The following ZNF653 variants were observed in gnomAD, a reference collection of about 807,000 sequenced individuals.
The protein encoded by ZNF653 is zinc finger protein 653, also known as 67 kDa zinc finger protein.
In ZNF653, 37 loss-of-function variants were observed where a neutral mutation model predicts 59.9. The ratio of observed to expected loss-of-function variants is 0.62; its 90% CI spans 0.48 to 0.81. The LOEUF is 0.81. Ranked by LOEUF, ZNF653 falls within the 40% of genes least tolerant of loss-of-function variation. The pLI, the probability that ZNF653 is intolerant of heterozygous loss-of-function variation, is 0.00. For missense variants in ZNF653, 808 were observed against 881.1 expected (o/e 0.92, Z 1.05); for synonymous variants, 435 against 371.8 (o/e 1.17, Z -1.96).
intron 1 of ZNF653, 70 bp from the exon 2 acceptor site, chr19:11,498,409 ACAGTGG>A (rs1971610328): frequency 1.3e-6 from 2 of 1,598,636 alleles, no homozygotes; most frequent in African/African-American, 1.3e-5. Flanking sequence ...ATGAGTAACA[ACAGTGG>A]CTAGAGCCAC....
rs1321729149 is a variant in ZNF653, at chr19:11,484,045, A to AG, written c.1666dup (p.Leu556ProfsTer139). On this transcript the variant is annotated frameshift_variant, in exon 8 of 9. Transcript: ENST00000293771. LOFTEE classifies it high-confidence loss of function. ...CACGGGGCGGCCTGTCACTCACTGC[A>AG]GGGGGGTCTCGCCGGTGTGGGTGCG... The AG allele has an allele frequency of 6.4e-7, 1 of 1,555,396 alleles. No individual in the cohort carries two copies. The highest frequency in any genetic ancestry group is 8.7e-7 in the Non-Finnish European group (1 of 1,149,442).
At chr19:11,504,720 A>G (rs1971689016) in intron 1 of ZNF653, 1 of 266,010 alleles carries the variant, frequency 3.8e-6, no homozygotes, top group African/African-American at 2.3e-5. Context: ...TCATCCTCGT[A>G]AAAGTTAATA....
chr19:11,500,823 G>A (rs1054246668), intron 1 of ZNF653: 6 of 152,332 alleles, frequency 3.9e-5, no homozygotes, highest in Admixed American at 3.9e-4. Flanking sequence ...CGTCTGTGAA[G>A]TGGAAATAGT....
At chr19:11,485,420 G>A (rs575710501) in intron 7 of ZNF653, among the ~76,000 whole-genome samples, 1 of 152,158 alleles carries the variant, frequency 6.6e-6, no homozygotes, top group East Asian at 1.9e-4. Flanking sequence ...ATGGGGTCGC[G>A]GGGATAGGAG....
In ZNF653 at chr19:11,505,664, C is replaced by G. The variant is rs368318310; in HGVS notation, c.123G>C (p.Glu41Asp). ...CGAGCCGTCGCCGGGCCCGGTCCGACTCCGTGAGTCGCGGCCGGCCCCGCG... is the reference window on the plus strand; with the variant it reads ...CGAGCCGTCGCCGGGCCCGGTCCGAGTCCGTGAGTCGCGGCCGGCCCCGCG... ...RKARGRPRLT[E>D]SDRARRRLES... The change falls in exon 1 of 9, where the codon GAG (glutamate) becomes GAC (aspartate). Residue 41 changes from glutamate to aspartate, a missense_variant. Transcript: ENST00000293771. 23 of 1,494,770 alleles carry G rather than the reference C, an allele frequency of 1.5e-5. No individual in the cohort carries two copies. The highest frequency in any genetic ancestry group is 1.1e-4 in the East Asian group (4 of 35,298). 92.6% of individuals were successfully genotyped at this position (1,494,770 alleles called of 1,614,324 possible). A position where few individuals can be genotyped will look rare whatever the true frequency, so the allele number is the denominator to read the frequency against.
rs201821457 is a variant in ZNF653 at position 11,487,760 on chromosome 19, C to T, written c.703G>A (p.Gly235Arg). Reference sequence around the variant, plus strand: ...TGCACGCCCTCCTGAGTGATGAGCCCGCTGCTGCCCACCGGGCTGGTGGGC... The same window carrying T: ...TGCACGCCCTCCTGAGTGATGAGCCTGCTGCTGCCCACCGGGCTGGTGGGC... ...ATPTSPVGSS[G>R]LITQEGVHIP... Residue 235 changes from glycine to arginine, a missense_variant, in exon 4 of 9, where the codon GGG (glycine) becomes AGG (arginine). Coordinates refer to ENST00000293771, the MANE Select transcript of ZNF653 (RefSeq NM_138783.4). This position sits in a 1 kb window ranked among gnomAD's most constrained non-coding sequence, Gnocchi z 5.1. 7.7e-5 allele frequency: 125 copies of T among 1,613,040 alleles called. No homozygotes were observed. Among genetic ancestry groups the T allele is most frequent in the Admixed American group, 7.2e-4 (43 of 60,004 alleles).
rs1971581462 is a variant in ZNF653 at position 11,495,891 on chromosome 19, C to T, written c.559+59G>A. 4 of 1,529,394 alleles carry T rather than the reference C, an allele frequency of 2.6e-6. No homozygotes were observed. The Admixed American group carries it at 7.5e-5, about 29-fold the overall frequency. 94.7% of individuals were successfully genotyped at this position (1,529,394 alleles called of 1,614,324 possible). A position where few individuals can be genotyped will look rare whatever the true frequency, so the allele number is the denominator to read the frequency against. ...TTCTGTTTGTGATGCTAGCCTAGGG[C>T]TCGTAAGAAGCCCCCAGAAATGGGC... On this transcript the variant is annotated intron_variant, in intron 3 of 8. Transcript: ENST00000293771. The surrounding 1 kb of genome is among the most constrained non-coding windows in gnomAD (Gnocchi z 4.9).
chr19:11,483,911 G>A, intron 8 of ZNF653, 52 bp from the exon 9 acceptor site: 2 of 1,513,382 alleles, frequency 1.3e-6, no homozygotes, highest in Non-Finnish European at 1.8e-6. Flanking sequence ...GCGGGGCGGG[G>A]CGGGGCCCTA....
chr19:11,504,575 G>A (rs1234942917), intron 1 of ZNF653: 6 of 985,090 alleles, frequency 6.1e-6, no homozygotes, highest in Non-Finnish European at 7.2e-6. Context: ...GAAAGGGGTG[G>A]GTATAACTTA....
chr19:11,504,032 G>C (rs1335150849), intron 1 of ZNF653, among the ~76,000 whole-genome samples: 3 of 152,126 alleles, frequency 2.0e-5, no homozygotes, highest in Non-Finnish European at 4.4e-5. Flanking sequence ...TTGAACCCAC[G>C]AGGTTGAGGC....
chr19:11,485,371 C>G (rs542231620), intron 7 of ZNF653, among the ~76,000 whole-genome samples: 1 of 152,222 alleles, frequency 6.6e-6, no homozygotes, highest in East Asian at 1.9e-4. Context: ...CAGCTGCTCC[C>G]TAAGTCTCGC....
At chr19:11,498,968 G>A (rs1015699648) in intron 1 of ZNF653, among the ~76,000 whole-genome samples, 1 of 152,026 alleles carries the variant, frequency 6.6e-6, no homozygotes, top group East Asian at 1.9e-4. Context: ...CAGGTGATCC[G>A]CCCACCTCGG....
Position 11,487,998 on chromosome 19 carries a change from A to ATTTATTTATTT in ZNF653, c.560-96_560-95insAAATAAATAAA. 6.2e-6 allele frequency: 7 copies of ATTTATTTATTT among 1,125,644 alleles called. No homozygotes were observed. The African/African-American group carries it at 8.9e-5, about 14-fold the overall frequency. 69.7% of individuals were successfully genotyped at this position (1,125,644 alleles called of 1,614,324 possible). On this transcript the variant is annotated intron_variant, in intron 3 of 8. Transcript: ENST00000293771. This position sits in a 1 kb window ranked among gnomAD's most constrained non-coding sequence, Gnocchi z 5.1. ...TTTTATTTTATTTATTTATTTATTT[A>ATTTATTTATTT]TTTTTTTGAGACAGAGTCTCACTCT... is the stretch of plus-strand genomic sequence containing the variant.
chr19:11,491,616 C>G (rs966848852), intron 3 of ZNF653, among the ~76,000 whole-genome samples: 53 of 151,354 alleles, frequency 3.5e-4, no homozygotes, highest in Non-Finnish European at 6.6e-4. Context: ...GAGATGGAGT[C>G]TCGCTCTGTC....
intron 1 of ZNF653, among the ~76,000 whole-genome samples, chr19:11,500,429 G>T (rs1042456753): frequency 6.6e-6 from 1 of 152,088 alleles, no homozygotes; most frequent in Non-Finnish European, 1.5e-5. Context: ...CTGCCTCCTG[G>T]GTTCAAGCGA....
rs1321141083 is a variant in ZNF653, at chr19:11,495,955, T to A, written c.554A>T (p.Asp185Val). Reference protein sequence around the residue: ...KPLSDSDPDSDKVGNGLVAGS... With the variant: ...KPLSDSDPDSVKVGNGLVAGS... The stretch of plus-strand genomic sequence containing the variant: ...CCCTCGCCCTGCAGACCTACCTTTG[T>A]CACTGTCAGGGTCTGAGTCGCTGAG... The change falls in exon 3 of 9, where the codon GAC becomes GTC. Residue 185 changes from aspartate (D) to valine (V), a missense_variant. By Grantham distance (152) the Asp-to-Val change is radical. Transcript: ENST00000293771. This position sits in a 1 kb window ranked among gnomAD's most constrained non-coding sequence, Gnocchi z 4.9. The A allele has an allele frequency of 5.0e-6, 8 of 1,614,004 alleles. No homozygotes were observed. The highest frequency in any genetic ancestry group is 6.8e-6 in the Non-Finnish European group (8 of 1,179,972).
At position 11,483,515 on chromosome 19, in the gene ZNF653, T is replaced by C. The variant is rs1008938769; in HGVS notation, c.*167A>G. On this transcript the variant is annotated 3_prime_UTR_variant, in exon 9 of 9. Coordinates refer to ENST00000293771, the MANE Select transcript of ZNF653 (RefSeq NM_138783.4). ...GGCACCAGCTCCGAGAAGGATGCGG[T>C]GGGGCGGGGTGGGGAACCTGCCCAG... is the stretch of plus-strand genomic sequence containing the variant. 5.9e-5 allele frequency: 83 copies of C among 1,399,174 alleles called. No individual in the cohort carries two copies. The South Asian group carries it at 6.3e-4, about 11-fold the overall frequency. The allele number at this position is 1,399,174 out of a possible 1,614,324, so 86.7% of individuals were successfully genotyped here. A position where few individuals can be genotyped will look rare whatever the true frequency, so the allele number is the denominator to read the frequency against.
chr19:11,483,780 ACTG>A lies in ZNF653; in HGVS notation c.1747_1749del (p.Gln583del). 1 of 1,613,298 alleles carries A rather than the reference ACTG, an allele frequency of 6.2e-7. No individual in the cohort carries two copies. Among genetic ancestry groups the A allele is most frequent in the African/African-American group, 1.3e-5 (1 of 74,988 alleles). ...CCGCAGCGATCGCACGTGAAGTTGT[ACTG>A]CACCTCCGCAGTGTGCTTCTTCATG... On this transcript the variant is annotated inframe_deletion, in exon 9 of 9. Transcript: ENST00000293771.
At chr19:11,493,694 G>A (rs1324958123) in intron 3 of ZNF653, among the ~76,000 whole-genome samples, 14 of 152,198 alleles carry the variant, frequency 9.2e-5, no homozygotes, top group Non-Finnish European at 1.5e-4. Context: ...GCTGACCCCA[G>A]ACTTCTCCTC....
Sources: allele counts gnomAD v4.1 joint callset (sites outside exome capture counted in the v4.1 genomes callset), GRCh38; gene constraint gnomAD v4.1.1; non-coding constraint Gnocchi (gnomAD v3.1); transcripts MANE v1.5; gene names NCBI Gene and HGNC (gene_info 2026-07-23, HGNC 2026-07-21).